The following FKBP9 variants were observed in gnomAD, a reference collection of about 807,000 sequenced individuals.
FKBP9 encodes the protein peptidyl-prolyl cis-trans isomerase FKBP9.
Under a neutral mutation model 55.6 loss-of-function variants are expected in FKBP9, and 27 were observed. The ratio of observed to expected loss-of-function variants is 0.49; its 90% CI spans 0.36 to 0.67. The LOEUF (loss-of-function observed/expected upper bound fraction) is 0.67. Among genes scored for constraint, FKBP9 ranks in the 30% least tolerant of loss-of-function variants. The pLI, the probability that FKBP9 is intolerant of heterozygous loss-of-function variation, is 0.00. For synonymous variants in FKBP9, 267 were observed against 296.5 expected, an observed-to-expected ratio of 0.90 and a Z score of 1.02; for missense variants, 539 against 742.8, an observed-to-expected ratio of 0.73 and a Z score of 3.19.
chr7:32,996,330 G>A lies in FKBP9; in HGVS notation c.1207G>A (p.Gly403Arg), dbSNP rs1337050507. 4.3e-6 allele frequency: 7 copies of A among 1,613,406 alleles called. No homozygotes were observed. The highest frequency in any genetic ancestry group is 5.1e-6 in the Non-Finnish European group (6 of 1,179,596). Reference protein sequence around the residue: ...KYHYNASLLDGTLLDSTWNLG... With the variant: ...KYHYNASLLDRTLLDSTWNLG... The stretch of plus-strand genomic sequence containing the variant: ...TCACTACAATGCCTCACTTCTGGAT[G>A]GGACCCTGCTGGACTCCACGTAAGG... The change falls in exon 7 of 10, where the codon GGG (glycine) becomes AGG (arginine). Residue 403 changes from glycine (G) to arginine (R), a missense_variant. Physicochemically the swap from Gly to Arg is moderately radical, Grantham distance 125. Coordinates refer to ENST00000242209, the MANE Select transcript of FKBP9 (RefSeq NM_007270.5).
At chr7:32,961,569 G>T (rs1784025318) in intron 1 of FKBP9, among the ~76,000 whole-genome samples, 1 of 152,104 alleles carries the variant, frequency 6.6e-6, no homozygotes, top group Non-Finnish European at 1.5e-5. Flanking sequence ...TAGAACAGGG[G>T]TCCCTAACCC....
At chr7:32,975,803 C>A (rs1474675009) in intron 3 of FKBP9, among the ~76,000 whole-genome samples, 1 of 152,010 alleles carries the variant, frequency 6.6e-6, no homozygotes, top group Non-Finnish European at 1.5e-5. Flanking sequence ...CATGCCACCA[C>A]ACCAAGCTAA....
intron 1 of FKBP9, among the ~76,000 whole-genome samples, chr7:32,972,722 C>T (rs1784277425): frequency 6.6e-6 from 1 of 152,008 alleles, no homozygotes; most frequent in Admixed American, 6.6e-5. Flanking sequence ...ACCTGTTCCC[C>T]CCCCACCCTT....
In FKBP9 at chr7:32,979,551, G is replaced by C. The variant is rs779157919; in HGVS notation, c.704-813G>C. The C allele has an allele frequency of 1.7e-4, 271 of 1,550,426 alleles. 1 individual carries two copies. The highest frequency in any genetic ancestry group is 5.8e-5 in the Non-Finnish European group (67 of 1,146,964). ...GGCGGCATCTGGTTTGCTTGTCTGG[G>C]CCTACTCCTTTGCATGATATAACAA... On this transcript the variant is annotated intron_variant, in intron 4 of 9. Transcript: ENST00000242209.
intron 7 of FKBP9, among the ~76,000 whole-genome samples, chr7:32,999,572 G>A (rs1353318428): frequency 1.3e-5 from 2 of 150,250 alleles, no homozygotes; most frequent in African/African-American, 2.5e-5. Flanking sequence ...CCCCTCCACT[G>A]TGCCAAGCAT....
chr7:32,982,623 A>G (rs1424839085), intron 5 of FKBP9, among the ~76,000 whole-genome samples: 4 of 151,956 alleles, frequency 2.6e-5, no homozygotes, highest in Non-Finnish European at 5.9e-5. Context: ...GCATATGTGT[A>G]TTATTCTTTG....
chr7:33,004,826 T>C (rs1260191105), intron 9 of FKBP9, among the ~76,000 whole-genome samples: 1 of 152,118 alleles, frequency 6.6e-6, no homozygotes, highest in Non-Finnish European at 1.5e-5. Context: ...ATCATATGAA[T>C]GAATGCCTGC....
At chr7:32,986,972 A>T (rs901555172) in intron 5 of FKBP9, among the ~76,000 whole-genome samples, 2 of 152,184 alleles carry the variant, frequency 1.3e-5, no homozygotes, top group African/African-American at 4.8e-5. Context: ...TGGGGAATTG[A>T]TTCCTCTTTT....
At chr7:32,984,527 G>C (rs1784539915) in intron 5 of FKBP9, among the ~76,000 whole-genome samples, 1 of 152,132 alleles carries the variant, frequency 6.6e-6, no homozygotes, top group Non-Finnish European at 1.5e-5. Flanking sequence ...CAAAGTGCTG[G>C]GATTACAGGC....
chr7:33,002,139 C>CTTTT, intron 8 of FKBP9: 1 of 144,886 alleles, frequency 6.9e-6, no homozygotes, highest in Admixed American at 6.8e-5. Flanking sequence ...TATTCTGTTC[C>CTTTT]TTTTTTTTTT....
intron 7 of FKBP9, among the ~76,000 whole-genome samples, chr7:32,997,685 G>A (rs1454148886): frequency 1.8e-4 from 28 of 152,278 alleles, no homozygotes; most frequent in African/African-American, 5.1e-4. Flanking sequence ...AAAATTAGCC[G>A]GGCGTAGTGG....
chr7:32,966,963 C>A (rs1278519781), intron 1 of FKBP9, among the ~76,000 whole-genome samples: 1 of 152,106 alleles, frequency 6.6e-6, no homozygotes, highest in East Asian at 1.9e-4. Flanking sequence ...GACACAGATC[C>A]AAACCCTATC....
At chr7:32,965,813 ATATAT>A (rs1234613124) in intron 1 of FKBP9, among the ~76,000 whole-genome samples, 1 of 14,022 alleles carries the variant, frequency 7.1e-5, no homozygotes, top group African/African-American at 3.4e-4. Flanking sequence ...AAAAAAAAAA[ATATAT>A]ATATATATAT....
chr7:32,999,193 T>A (rs1165963754), intron 7 of FKBP9, among the ~76,000 whole-genome samples: 1 of 152,038 alleles, frequency 6.6e-6, no homozygotes, highest in African/African-American at 2.4e-5. Context: ...AAGAAGTGGC[T>A]GCCCTGGGTC....
chr7:32,971,647 AT>A (rs1158299485), intron 1 of FKBP9, among the ~76,000 whole-genome samples: 2 of 152,062 alleles, frequency 1.3e-5, no homozygotes, highest in South Asian at 2.1e-4. Context: ...TGCTCAGCTA[AT>A]TTTTTGTATT....
In FKBP9 at chr7:32,964,563, T is replaced by C. The variant is rs563626113; in HGVS notation, c.221+6769T>C. Among the ~76,000 whole-genome samples, 682 of 143,824 alleles carry C rather than the reference T, an allele frequency of 4.7e-3. 4 individuals are homozygous for C. The highest frequency in any genetic ancestry group is 0.017 in the African/African-American group (647 of 39,186). 94.4% of individuals were successfully genotyped at this position (143,824 alleles called of 152,430 possible). A position where few individuals can be genotyped will look rare whatever the true frequency, so the allele number is the denominator to read the frequency against. On this transcript the variant is annotated intron_variant, in intron 1 of 9. Transcript: ENST00000242209. ...GGAGCTATGAATGGAGGCGTTCTCT[T>C]TCATTTCTTCTCTGTTCCCGCTTGC...
chr7:32,971,795 A>T (rs980796234), intron 1 of FKBP9, among the ~76,000 whole-genome samples: 3 of 152,060 alleles, frequency 2.0e-5, no homozygotes, highest in African/African-American at 7.2e-5. Flanking sequence ...CTCATGTTTA[A>T]TTTCATGAGC....
intron 1 of FKBP9, among the ~76,000 whole-genome samples, chr7:32,967,676 G>C (rs888550106): frequency 2.6e-5 from 4 of 152,128 alleles, no homozygotes; most frequent in African/African-American, 7.2e-5. Context: ...ATTGTAAATC[G>C]TGCTGAGTTG....
Position 32,964,649 on chromosome 7 carries a change from C to T in FKBP9, c.221+6855C>T, listed in dbSNP as rs370643667. 3.3e-4 allele frequency among the ~76,000 whole-genome samples: 50 copies of T among 152,332 alleles called. No individual in the cohort carries two copies. The East Asian group carries it at 6.9e-3, about 21-fold the overall frequency. On this transcript the variant is annotated intron_variant, in intron 1 of 9. Transcript: ENST00000242209. ...CCTCTGCAGCGTTCTCACACTTTCCCGTCTGGGTAGTTTGCCAGTTCATTA... is the reference window on the plus strand; with the variant it reads ...CCTCTGCAGCGTTCTCACACTTTCCTGTCTGGGTAGTTTGCCAGTTCATTA...
Sources: gnomAD v4.1 joint callset for allele counts (sites outside exome capture counted in the v4.1 genomes callset) on GRCh38, gnomAD v4.1.1 for gene constraint, MANE v1.5 for transcripts, NCBI Gene and HGNC (gene_info 2026-07-23, HGNC 2026-07-21) for gene names.